NBAS: variants seen among roughly 807,000 people sequenced by gnomAD.
NBAS encodes the protein NAG/BC035112 fusion.
NBAS carries 219 observed loss-of-function variants against 302.5 expected under a neutral mutation model. The ratio of observed to expected loss-of-function variants is 0.72; its 90% CI spans 0.65 to 0.81. The LOEUF is 0.81. NBAS is among the 30% of genes least tolerant of loss of function. NBAS has a pLI of 0.00. For synonymous variants in NBAS, 1,118 were observed against 1,021.6 expected, an observed-to-expected ratio of 1.09 and a Z score of -1.80; for missense variants, 2,932 against 2,841.6, an observed-to-expected ratio of 1.03 and a Z score of -0.72.
At chr2:14,979,777 G>C in the NBAS span, among the ~76,000 whole-genome samples, 1 of 152,152 alleles carries the variant, frequency 6.6e-6, no homozygotes, top group African/African-American at 2.4e-5. Flanking sequence ...GATAGGGAAG[G>C]CACACTCCCA....
At chr2:15,072,642 A>G in the NBAS span, among the ~76,000 whole-genome samples, 1 of 152,222 alleles carries the variant, frequency 6.6e-6, no homozygotes, top group East Asian at 1.9e-4. Context: ...AGAAATATTT[A>G]AACAGTCTCA....
chr2:14,821,074 C>T, the NBAS span, among the ~76,000 whole-genome samples: 2 of 152,116 alleles, frequency 1.3e-5, no homozygotes, highest in South Asian at 2.1e-4. Flanking sequence ...CTACAGGCGC[C>T]CGCCACCACG....
rs1291896475 is a variant in NBAS at position 15,556,783 on chromosome 2, CTGTACCAGA to C, written c.200_208del (p.Ile67_Tyr69del). The C allele has an allele frequency of 6.2e-7, 1 of 1,609,426 alleles. No individual in the cohort carries two copies. Among genetic ancestry groups the C allele is most frequent in the Non-Finnish European group, 8.5e-7 (1 of 1,176,094 alleles). ...TTTCTCTGAAGAACCGAAGACTCAC[CTGTACCAGA>C]TGTATTGGCGTAAAAATAATAAACG... On this transcript the variant is annotated inframe_deletion and splice_region_variant, in exon 3 of 52. Coordinates refer to ENST00000281513, the MANE Select transcript of NBAS (RefSeq NM_015909.4).
Position 15,394,284 on chromosome 2 carries a change from G to C in NBAS, c.3200C>G (p.Ser1067Cys), listed in dbSNP as rs1446051160. ...KPISFVKNTQ[S>C]SSEEARKLMV... ...CAGCTTGCGTGCCTCTTCTGAGCTA[G>C]ATTGAGTGTTTTTAACAAATGAAAT... The change falls in exon 28 of 52, where the codon TCT (serine) becomes TGT (cysteine). Residue 1067 changes from serine to cysteine, a missense_variant. Physicochemically the swap from Ser to Cys is moderately radical, Grantham distance 112. Transcript: ENST00000281513. The C allele has an allele frequency of 3.7e-6, 6 of 1,613,162 alleles. No individual in the cohort carries two copies. The highest frequency in any genetic ancestry group is 1.7e-5 in the Admixed American group (1 of 59,948).
the NBAS span, among the ~76,000 whole-genome samples, chr2:14,810,819 G>T: frequency 6.6e-6 from 1 of 152,238 alleles, no homozygotes; most frequent in East Asian, 1.9e-4. Flanking sequence ...TTAACAAAGT[G>T]GAAAGGTAGG....
the NBAS span, among the ~76,000 whole-genome samples, chr2:14,959,143 G>T: frequency 6.6e-6 from 1 of 152,176 alleles, no homozygotes; most frequent in Non-Finnish European, 1.5e-5. Flanking sequence ...TTGGTTTGGT[G>T]ATCTTGCACA....
At chr2:15,232,170 T>A (rs1667407526) in intron 47 of NBAS, among the ~76,000 whole-genome samples, 1 of 152,128 alleles carries the variant, frequency 6.6e-6, no homozygotes, top group Admixed American at 6.5e-5. Flanking sequence ...GACAGAATGA[T>A]CATGATGATT....
At chr2:15,144,069 C>CTTATCCTATATATATATATATATATA in the NBAS span, among the ~76,000 whole-genome samples, 1 of 89,376 alleles carries the variant, frequency 1.1e-5, no homozygotes, top group Admixed American at 1.2e-4. Context: ...ATATATATAT[C>CTTATCCTATATATATATATATATATA]TCCCATTAGT....
At chr2:14,864,792 G>A in the NBAS span, among the ~76,000 whole-genome samples, 1 of 152,106 alleles carries the variant, frequency 6.6e-6, no homozygotes, top group East Asian at 1.9e-4. Flanking sequence ...GATAATAATA[G>A]CACCTATATT....
chr2:15,191,450 G>C (rs1160511951), intron 48 of NBAS, among the ~76,000 whole-genome samples: 2 of 152,170 alleles, frequency 1.3e-5, no homozygotes, highest in Non-Finnish European at 2.9e-5. Flanking sequence ...TGACCCACCA[G>C]ATCCTTCAAA....
At chr2:15,312,251 A>C (rs903508021) in intron 38 of NBAS, among the ~76,000 whole-genome samples, 1 of 152,142 alleles carries the variant, frequency 6.6e-6, no homozygotes, top group Non-Finnish European at 1.5e-5. Flanking sequence ...ATCCTCACCT[A>C]GAGAATTCAA....
At chr2:15,327,423 A>G (rs555323585) in intron 38 of NBAS, among the ~76,000 whole-genome samples, 123 of 152,362 alleles carry the variant, frequency 8.1e-4, no homozygotes, top group Non-Finnish European at 1.4e-3. Context: ...ACATTCTATT[A>G]AGCATAAAAT....
At chr2:14,893,150 A>T in the NBAS span, among the ~76,000 whole-genome samples, 1 of 152,182 alleles carries the variant, frequency 6.6e-6, no homozygotes, top group African/African-American at 2.4e-5. Flanking sequence ...ACATTTTGTA[A>T]GAAAATAAAG....
chr2:15,141,477 C>A, the NBAS span, among the ~76,000 whole-genome samples: 1 of 152,126 alleles, frequency 6.6e-6, no homozygotes, highest in African/African-American at 2.4e-5. Context: ...CTGGGGAGAG[C>A]CCTTTTCTCT....
rs1375452300 is a variant in NBAS, at chr2:15,308,066, G to A, written c.4797+150C>T. 41 of 1,151,192 alleles carry A rather than the reference G, an allele frequency of 3.6e-5. 1 individual carries two copies. Among genetic ancestry groups the A allele is most frequent in the East Asian group, 3.3e-4 (13 of 39,680 alleles). The allele number at this position is 1,151,192 out of a possible 1,614,324, so 71.3% of individuals were successfully genotyped here. The stretch of plus-strand genomic sequence containing the variant: ...TGATACCTGGAGAAGCAACTTTGTC[G>A]AATACAGGAAAGCCAAGAGCTGCCT... On this transcript the variant is annotated intron_variant, in intron 40 of 51. Coordinates refer to ENST00000281513, the MANE Select transcript of NBAS (RefSeq NM_015909.4).
chr2:15,113,320 CGTGTGTGTGT>C, the NBAS span, among the ~76,000 whole-genome samples: 8,339 of 129,906 alleles, frequency 0.064, 335 homozygotes, highest in African/African-American at 0.12. Flanking sequence ...GGTATGAACT[CGTGTGTGTGT>C]GTGTGTGTGT....
In NBAS at chr2:15,474,245, T is replaced by A; in HGVS notation, c.1421A>T (p.Asp474Val). 1 of 1,614,084 alleles carries A rather than the reference T, an allele frequency of 6.2e-7. No homozygotes were observed. The highest frequency in any genetic ancestry group is 8.5e-7 in the Non-Finnish European group (1 of 1,179,962). ...GEEDEGEEDS[D>V]SDYEISAKAR... ...CTTGGCAGATATTTCATAATCAGAA[T>A]CAGAATCCTCTTCTCCTTCATCTTC... The change falls in exon 15 of 52, where the codon GAT becomes GTT. Residue 474 changes from aspartate to valine, a missense_variant. Coordinates refer to ENST00000281513, the MANE Select transcript of NBAS (RefSeq NM_015909.4).
chr2:15,027,719 A>T, the NBAS span, among the ~76,000 whole-genome samples: 9 of 152,050 alleles, frequency 5.9e-5, no homozygotes, highest in African/African-American at 1.9e-4. Context: ...ATTTTAATGA[A>T]TTTTTTTCCA....
At chr2:14,878,597 G>A in the NBAS span, among the ~76,000 whole-genome samples, 2,254 of 152,176 alleles carry the variant, frequency 0.015, 62 homozygotes, top group African/African-American at 0.051. Flanking sequence ...CAGGATCCCA[G>A]GATATCCTCT....
Sources: allele counts gnomAD v4.1 joint callset (sites outside exome capture counted in the v4.1 genomes callset), GRCh38; gene constraint gnomAD v4.1.1; transcripts MANE v1.5; gene names NCBI Gene and HGNC (gene_info 2026-07-23, HGNC 2026-07-21).